DPCD: variants seen among roughly 807,000 people sequenced by gnomAD.
DPCD encodes deleted in primary ciliary dyskinesia homolog (mouse), also known as protein DPCD.
DPCD carries 20 observed loss-of-function variants against 26.4 expected under a neutral mutation model. The ratio of observed to expected loss-of-function variants is 0.76; its 90% CI spans 0.53 to 1.10. The LOEUF is 1.10. Among genes scored for constraint, DPCD ranks in the 50% least tolerant of loss-of-function variants. The pLI, the probability that DPCD is intolerant of heterozygous loss-of-function variation, is 0.00. For missense variants in DPCD, 202 were observed against 253.9 expected, an observed-to-expected ratio of 0.80 and a Z score of 1.39; for synonymous variants, 97 against 94.2, an observed-to-expected ratio of 1.03 and a Z score of -0.17.
At chr10:101,590,826 G>A (rs577950124) in intron 1 of DPCD, among the ~76,000 whole-genome samples, 1 of 152,098 alleles carries the variant, frequency 6.6e-6, no homozygotes, top group South Asian at 2.1e-4. Flanking sequence ...TCTACTTTCT[G>A]TCTATGAATT....
chr10:101,591,978 G>A (rs369550480), intron 1 of DPCD, among the ~76,000 whole-genome samples: 5 of 151,960 alleles, frequency 3.3e-5, no homozygotes, highest in Admixed American at 1.3e-4. Context: ...GAGCCGCCTC[G>A]CCCAGCCCAT....
chr10:101,604,463 T>G (rs1391871361), intron 4 of DPCD, among the ~76,000 whole-genome samples: 1 of 152,218 alleles, frequency 6.6e-6, no homozygotes, highest in African/African-American at 2.4e-5. Flanking sequence ...ATACTTGCCT[T>G]GTCTCTGAAG....
Position 101,600,967 on chromosome 10 carries a change from C to A in DPCD, c.270+105C>A. ...CATGTCTTGTTCACCTCCTCGCCTC[C>A]AGTGTGCCACCTGGACACAGCACTC... On this transcript the variant is annotated intron_variant, in intron 3 of 5. Coordinates refer to ENST00000370151, the MANE Select transcript of DPCD (RefSeq NM_015448.3). The surrounding 1 kb of genome is among the most constrained non-coding windows in gnomAD (Gnocchi z 4.7). 6.4e-7 allele frequency: 1 copy of A among 1,558,956 alleles called. No homozygotes were observed. The highest frequency in any genetic ancestry group is 2.3e-5 in the East Asian group (1 of 43,926).
intron 2 of DPCD, 113 bp downstream of exon 2, chr10:101,594,851 T>C: frequency 2.0e-6 from 2 of 1,004,404 alleles, no homozygotes; most frequent in Non-Finnish European, 1.5e-6. Context: ...ATGTAGAGGC[T>C]GGGAGAGACG....
rs1019320855 is a variant in DPCD, at chr10:101,603,486, G to A, written c.404+2150G>A. On this transcript the variant is annotated intron_variant, in intron 4 of 5. Transcript: ENST00000370151. The surrounding 1 kb of genome is among the most constrained non-coding windows in gnomAD (Gnocchi z 4.6). ...AAGAGATGGAGTCTTGGCTGGGCGCGGTGGCTCACGCCTGTAATCCCAGCA... is the reference window on the plus strand; with the variant it reads ...AAGAGATGGAGTCTTGGCTGGGCGCAGTGGCTCACGCCTGTAATCCCAGCA... Among the ~76,000 whole-genome samples, 30 of 150,936 alleles carry A rather than the reference G, an allele frequency of 2.0e-4. No individual in the cohort carries two copies. The highest frequency in any genetic ancestry group is 3.7e-4 in the Non-Finnish European group (25 of 67,772).
At chr10:101,592,732 T>G (rs952221183) in intron 1 of DPCD, among the ~76,000 whole-genome samples, 2 of 140,748 alleles carry the variant, frequency 1.4e-5, no homozygotes, top group African/African-American at 5.4e-5. Flanking sequence ...AAAGCCTCAG[T>G]TGGCCGGGCG....
chr10:101,607,223 T>A (rs1006325426), intron 4 of DPCD, among the ~76,000 whole-genome samples: 7 of 152,196 alleles, frequency 4.6e-5, no homozygotes, highest in Non-Finnish European at 1.0e-4. Context: ...GTTCATCTAA[T>A]CTCTGCTGTT....
chr10:101,600,778 C>T lies in DPCD; in HGVS notation c.186C>T (p.Gly62=), dbSNP rs1462387341. The T allele has an allele frequency of 1.2e-6, 2 of 1,613,842 alleles. No homozygotes were observed. Among genetic ancestry groups the T allele is most frequent in the Admixed American group, 1.7e-5 (1 of 59,944 alleles). ...WRVKSALGAM[G]QWQLEVGDPA... The stretch of plus-strand genomic sequence containing the variant: ...TGAAAAGTGCCCTGGGAGCCATGGG[C>T]CAGTGGCAGCTTGAAGTAGGAGACC... The change falls in exon 3 of 6, where the codon GGC becomes GGT. Residue 62 remains glycine, a synonymous_variant. Transcript: ENST00000370151. This position sits in a 1 kb window ranked among gnomAD's most constrained non-coding sequence, Gnocchi z 4.7.
intron 1 of DPCD, among the ~76,000 whole-genome samples, chr10:101,593,761 T>C (rs2063630241): frequency 6.6e-6 from 1 of 152,186 alleles, no homozygotes; most frequent in Non-Finnish European, 1.5e-5. Context: ...GCTAACTTTT[T>C]TGTATTTTTA....
chr10:101,595,203 C>A (rs1275689860), intron 2 of DPCD, among the ~76,000 whole-genome samples: 1 of 152,146 alleles, frequency 6.6e-6, no homozygotes, highest in Non-Finnish European at 1.5e-5. Context: ...AAAATATGGT[C>A]CTTATTTTGA....
At chr10:101,601,357 C>G (rs1338605718) in intron 4 of DPCD, 21 bp downstream of exon 4, 1 of 1,612,586 alleles carries the variant, frequency 6.2e-7, no homozygotes, top group African/African-American at 1.3e-5. Context: ...TGGAAGGCAC[C>G]CTGTGTGCTT....
intron 4 of DPCD, among the ~76,000 whole-genome samples, chr10:101,604,014 C>T (rs1056881091): frequency 1.3e-5 from 2 of 152,202 alleles, no homozygotes; most frequent in Non-Finnish European, 2.9e-5. Context: ...CCTTGGCCTC[C>T]TGAAGTGCTG....
rs1422945361 is a variant in DPCD at position 101,600,672 on chromosome 10, A to G, written c.146-66A>G. ...TGCCGGTGATTCAGCAGAAAAGAGC[A>G]GAGACCCTCTCTTCACTCTCATCCT... On this transcript the variant is annotated intron_variant, in intron 2 of 5. Coordinates refer to ENST00000370151, the MANE Select transcript of DPCD (RefSeq NM_015448.3). The surrounding 1 kb of genome is among the most constrained non-coding windows in gnomAD (Gnocchi z 4.7). 1.9e-6 allele frequency: 3 copies of G among 1,563,874 alleles called. No individual in the cohort carries two copies. In the African/African-American group the frequency reaches 4.1e-5, roughly 22 times the overall value.
At chr10:101,589,755 G>A (rs2134745780) in intron 1 of DPCD, among the ~76,000 whole-genome samples, 1 of 152,234 alleles carries the variant, frequency 6.6e-6, no homozygotes, top group African/African-American at 2.4e-5. Flanking sequence ...GTGGTGGTGC[G>A]CACCCGTAAT....
chr10:101,592,366 A>C (rs1215086420), intron 1 of DPCD, among the ~76,000 whole-genome samples: 1 of 151,614 alleles, frequency 6.6e-6, no homozygotes, highest in Admixed American at 6.6e-5. Flanking sequence ...ACTCCAGCCT[A>C]GGGAACATAG....
Position 101,603,238 on chromosome 10 carries a change from C to T in DPCD, c.404+1902C>T, listed in dbSNP as rs1274558483. 6.6e-6 allele frequency among the ~76,000 whole-genome samples: 1 copy of T among 152,134 alleles called. No individual in the cohort carries two copies. Among genetic ancestry groups the T allele is most frequent in the Non-Finnish European group, 1.5e-5 (1 of 68,012 alleles). On this transcript the variant is annotated intron_variant, in intron 4 of 5. Coordinates refer to ENST00000370151, the MANE Select transcript of DPCD (RefSeq NM_015448.3). This position sits in a 1 kb window ranked among gnomAD's most constrained non-coding sequence, Gnocchi z 4.6. ...CTCTGTTGGGAGGTAACCTAGAGGC[C>T]GCTGAACCCTTAGCCAGATCGTTCC...
At chr10:101,595,601 C>T (rs1221409906) in intron 2 of DPCD, among the ~76,000 whole-genome samples, 1 of 152,192 alleles carries the variant, frequency 6.6e-6, no homozygotes, top group Non-Finnish European at 1.5e-5. Context: ...TTTTTTCTGA[C>T]AGCTCATAAA....
intron 4 of DPCD, among the ~76,000 whole-genome samples, chr10:101,608,122 G>T (rs767165677): frequency 6.6e-6 from 1 of 151,874 alleles, no homozygotes; most frequent in Non-Finnish European, 1.5e-5. Context: ...TAATTAAAAG[G>T]CATCATTAAT....
chr10:101,588,366 G>A lies in DPCD; in HGVS notation c.30G>A (p.Leu10=). 1 of 1,599,482 alleles carries A rather than the reference G, an allele frequency of 6.3e-7. No individual in the cohort carries two copies. Among genetic ancestry groups the A allele is most frequent in the Non-Finnish European group, 8.5e-7 (1 of 1,171,118 alleles). MAVTGWLES[L]RTAQKTALLQ... Reference sequence around the variant, plus strand: ...CGGTGACGGGCTGGTTGGAGAGTCTGCGGACAGCCCAGAAGACTGCGCTGC... The same window carrying A: ...CGGTGACGGGCTGGTTGGAGAGTCTACGGACAGCCCAGAAGACTGCGCTGC... The change falls in exon 1 of 6, where the codon CTG becomes CTA. Residue 10 remains leucine, a synonymous_variant. Coordinates refer to ENST00000370151, the MANE Select transcript of DPCD (RefSeq NM_015448.3).
Sources: allele counts gnomAD v4.1 joint callset (sites outside exome capture counted in the v4.1 genomes callset), GRCh38; gene constraint gnomAD v4.1.1; non-coding constraint Gnocchi (gnomAD v3.1); transcripts MANE v1.5; gene names NCBI Gene and HGNC (gene_info 2026-07-23, HGNC 2026-07-21).